The following CTBS variants were observed in gnomAD, a reference collection of about 807,000 sequenced individuals.
CTBS encodes the protein chitobiase.
A neutral mutation model predicts 44.3 loss-of-function variants in CTBS; 35 were observed. The ratio of observed to expected loss-of-function variants is 0.79; its 90% confidence interval spans 0.60 to 1.05. CTBS has a LOEUF of 1.05. Among genes scored for constraint, CTBS ranks in the 50% least tolerant of loss-of-function variants. CTBS has a pLI of 0.00. For missense variants in CTBS, 458 were observed against 475.3 expected (o/e 0.96, Z 0.34); for synonymous variants, 143 against 168.0 (o/e 0.85, Z 1.15).
At position 84,554,700 on chromosome 1, in the gene CTBS, T is replaced by C. The variant is rs1684376811; in HGVS notation, c.*299A>G. Reference sequence around the variant, plus strand: ...TTCGTGAGCATATATTTTACTATAATGAAGGGAAATATGGCATAATAAAAT... The same window carrying C: ...TTCGTGAGCATATATTTTACTATAACGAAGGGAAATATGGCATAATAAAAT... On this transcript the variant is annotated 3_prime_UTR_variant, in exon 7 of 7. Coordinates refer to ENST00000370630, the MANE Select transcript of CTBS (RefSeq NM_004388.3). The C allele has an allele frequency of 8.4e-6, 2 of 237,322 alleles. No individual in the cohort carries two copies. Among genetic ancestry groups the C allele is most frequent in the Admixed American group, 1.0e-4 (2 of 20,038 alleles). 14.7% of individuals were successfully genotyped at this position (237,322 alleles called of 1,614,324 possible).
At chr1:84,571,400 TCTGG>T (rs1647294811) in intron 1 of CTBS, among the ~76,000 whole-genome samples, 1 of 152,238 alleles carries the variant, frequency 6.6e-6, no homozygotes, top group African/African-American at 2.4e-5. Flanking sequence ...TACTCAAGTT[TCTGG>T]CTACTGCAGA....
At chr1:84,565,176 G>A (rs1393353407) in intron 4 of CTBS, among the ~76,000 whole-genome samples, 1 of 151,994 alleles carries the variant, frequency 6.6e-6, no homozygotes, top group African/African-American at 2.4e-5. Context: ...TCCAGCCTGG[G>A]TGATGGAGTG....
Position 84,551,327 on chromosome 1 carries a change from GAA to G in CTBS, c.*3670_*3671del. The G allele has an allele frequency of 1.1e-6, 1 of 935,216 alleles. No homozygotes were observed. Among genetic ancestry groups the G allele is most frequent in the Non-Finnish European group, 1.3e-6 (1 of 784,534 alleles). 57.9% of individuals were successfully genotyped at this position (935,216 alleles called of 1,614,324 possible). On this transcript the variant is annotated 3_prime_UTR_variant, in exon 7 of 7. Coordinates refer to ENST00000370630, the MANE Select transcript of CTBS (RefSeq NM_004388.3). ...GCTCTTTTTAAAAAAATTTTAAAAA[GAA>G]AAAAGAAAATCAGTACTGTCCTCGG...
At position 84,551,328 on chromosome 1, in the gene CTBS, AAAAAAG is replaced by A. The variant is rs561874875; in HGVS notation, c.*3665_*3670del. On this transcript the variant is annotated 3_prime_UTR_variant, in exon 7 of 7. Transcript: ENST00000370630. Reference sequence around the variant, plus strand: ...CTCTTTTTAAAAAAATTTTAAAAAGAAAAAAGAAAATCAGTACTGTCCTCGGTTTCA... The same window carrying A: ...CTCTTTTTAAAAAAATTTTAAAAAGAAAAATCAGTACTGTCCTCGGTTTCA... 9.8e-5 allele frequency: 92 copies of A among 936,930 alleles called. No homozygotes were observed. Among genetic ancestry groups the A allele is most frequent in the African/African-American group, 7.3e-4 (41 of 56,458 alleles). 58.0% of individuals were successfully genotyped at this position (936,930 alleles called of 1,614,324 possible).
chr1:84,566,094 TTA>T (rs1684695065), intron 3 of CTBS, 82 bp from the exon 4 acceptor site: 2 of 825,480 alleles, frequency 2.4e-6, no homozygotes, highest in Non-Finnish European at 1.7e-6. Flanking sequence ...TATATATTTT[TTA>T]CCTTATACTA....
chr1:84,557,357 A>ACC (rs1317024215), intron 6 of CTBS, among the ~76,000 whole-genome samples: 13 of 151,708 alleles, frequency 8.6e-5, no homozygotes, highest in Non-Finnish European at 1.5e-4. Flanking sequence ...ACATGGTGAA[A>ACC]CCCTGCCTCT....
Position 84,551,219 on chromosome 1 carries a change from G to A in CTBS, c.*3780C>T. ...AGTACCCACAGCAAGGCAGGAAAATGAGAACGATAATTATATGAATGCTCT... is the reference window on the plus strand; with the variant it reads ...AGTACCCACAGCAAGGCAGGAAAATAAGAACGATAATTATATGAATGCTCT... On this transcript the variant is annotated 3_prime_UTR_variant, in exon 7 of 7. Transcript: ENST00000370630. 2 of 985,234 alleles carry A rather than the reference G, an allele frequency of 2.0e-6. No individual in the cohort carries two copies. 61.0% of individuals were successfully genotyped at this position (985,234 alleles called of 1,614,324 possible). A position where few individuals can be genotyped will look rare whatever the true frequency, so the allele number is the denominator to read the frequency against.
Position 84,563,399 on chromosome 1 carries a change from G to A in CTBS, c.815C>T (p.Ala272Val). The A allele has an allele frequency of 6.4e-7, 1 of 1,571,670 alleles. No individual in the cohort carries two copies. Among genetic ancestry groups the A allele is most frequent in the Non-Finnish European group, 8.6e-7 (1 of 1,161,970 alleles). ...NLSEDHVCTIAKVPFRGAPCS... is the reference protein window; with the variant it reads ...NLSEDHVCTIVKVPFRGAPCS... ...AGGAGCCCCCCGGAAAGGGACTTTT[G>A]CAATGGTACAAACATGATCCTAGAA... Residue 272 changes from alanine (A) to valine (V), a missense_variant, in exon 6 of 7, where the codon GCA becomes GTA. Ala to Val is a moderately conservative substitution (Grantham distance 64, BLOSUM62 0). Coordinates refer to ENST00000370630, the MANE Select transcript of CTBS (RefSeq NM_004388.3).
rs747539110 is a variant in CTBS, at chr1:84,565,588, C to T, written c.697+253G>A. Among the ~76,000 whole-genome samples, 124 of 152,114 alleles carry T rather than the reference C, an allele frequency of 8.2e-4. 5 individuals are homozygous for T. The highest frequency in any genetic ancestry group is 4.9e-4 in the Non-Finnish European group (33 of 68,024). On this transcript the variant is annotated intron_variant, in intron 4 of 6. Transcript: ENST00000370630. ...TACTTAATAGTTATGCAATCATGAGCAGTTAATTCTTTTTATCTCATCTAG... is the reference window on the plus strand; with the variant it reads ...TACTTAATAGTTATGCAATCATGAGTAGTTAATTCTTTTTATCTCATCTAG...
At chr1:84,557,857 C>CAAA (rs375521066) in intron 6 of CTBS, among the ~76,000 whole-genome samples, 1 of 117,846 alleles carries the variant, frequency 8.5e-6, no homozygotes, top group Non-Finnish European at 1.8e-5. Context: ...GACTCCATCT[C>CAAA]AAAAAAAAAA....
rs150082146 is a variant in CTBS, at chr1:84,561,121, G to T, written c.957+2136C>A. ...TTCATGGATCTGGCCAAAGTAAACTGAAAGCTTTTTGGAAAGGATTCACCA... is the reference window on the plus strand; with the variant it reads ...TTCATGGATCTGGCCAAAGTAAACTTAAAGCTTTTTGGAAAGGATTCACCA... On this transcript the variant is annotated intron_variant, in intron 6 of 6. Coordinates refer to ENST00000370630, the MANE Select transcript of CTBS (RefSeq NM_004388.3). 2.0e-4 allele frequency among the ~76,000 whole-genome samples: 30 copies of T among 152,302 alleles called. 1 individual carries two copies. Among genetic ancestry groups the T allele is most frequent in the African/African-American group, 6.7e-4 (28 of 41,560 alleles).
At chr1:84,564,232 T>A (rs1684646665) in intron 4 of CTBS, among the ~76,000 whole-genome samples, 1 of 152,034 alleles carries the variant, frequency 6.6e-6, no homozygotes, top group Admixed American at 6.6e-5. Flanking sequence ...GGTCTCAGAG[T>A]TTCTTAGAAA....
In CTBS at chr1:84,570,564, G is replaced by T; in HGVS notation, c.316+18C>A. 6.3e-7 allele frequency: 1 copy of T among 1,592,050 alleles called. No homozygotes were observed. Among genetic ancestry groups the T allele is most frequent in the Non-Finnish European group, 8.6e-7 (1 of 1,166,520 alleles). On this transcript the variant is annotated intron_variant, in intron 2 of 6. Transcript: ENST00000370630. ...AAATTTCCCAATTGCTGCACACATA[G>T]ATCTGGAAACAACATACCTTTAAGT...
intron 1 of CTBS, among the ~76,000 whole-genome samples, chr1:84,573,587 T>G (rs1226400714): frequency 1.3e-5 from 2 of 152,256 alleles, no homozygotes; most frequent in African/African-American, 4.8e-5. Context: ...TTCTTTGAAT[T>G]AAGCCTTTGG....
intron 1 of CTBS, 108 bp downstream of exon 1, chr1:84,574,131 C>A: frequency 6.5e-7 from 1 of 1,528,978 alleles, no homozygotes; most frequent in South Asian, 1.2e-5. Flanking sequence ...ATCGAGTGGT[C>A]AAAGCTGGTT....
At chr1:84,567,063 TC>T (rs1236301481) in intron 3 of CTBS, among the ~76,000 whole-genome samples, 4 of 152,120 alleles carry the variant, frequency 2.6e-5, no homozygotes, top group Non-Finnish European at 5.9e-5. Flanking sequence ...AAGGTTGTTT[TC>T]CCCCCTTAAT....
intron 4 of CTBS, among the ~76,000 whole-genome samples, chr1:84,565,212 T>TA (rs978452874): frequency 9.0e-4 from 128 of 142,534 alleles, no homozygotes; most frequent in Middle Eastern, 3.6e-3. Flanking sequence ...AAATAAAAAT[T>TA]AAAAAAAAAA....
At chr1:84,567,835 A>T (rs1029095197) in intron 3 of CTBS, among the ~76,000 whole-genome samples, 2 of 152,162 alleles carry the variant, frequency 1.3e-5, no homozygotes, top group African/African-American at 2.4e-5. Flanking sequence ...TAATTCATTT[A>T]ATATGTATTT....
rs1647407781 is a variant in CTBS at position 84,574,362 on chromosome 1, G to A, written c.54C>T (p.Gly18=). Residue 18 remains glycine, a synonymous_variant, in exon 1 of 7, where the codon GGC becomes GGT. Transcript: ENST00000370630. The stretch of plus-strand genomic sequence containing the variant: ...GCGCCAGCAGCGCTAGACCCGGGAC[G>A]CCGCTCGGCGGGCTAGAGACGAGGC... ...RWRLVSSPPS[G]VPGLALLALL... is the part of the protein sequence containing the mutation. 1.3e-6 allele frequency: 2 copies of A among 1,566,866 alleles called. No individual in the cohort carries two copies. Among genetic ancestry groups the A allele is most frequent in the Non-Finnish European group, 1.7e-6 (2 of 1,157,146 alleles).
Sources: allele counts gnomAD v4.1 joint callset (sites outside exome capture counted in the v4.1 genomes callset), GRCh38; gene constraint gnomAD v4.1.1; transcripts MANE v1.5; gene names NCBI Gene and HGNC (gene_info 2026-07-23, HGNC 2026-07-21).